Variants in TRIP4 observed in about 807,000 individuals in gnomAD.
TRIP4 encodes the protein activating signal cointegrator 1.
Under a neutral mutation model 81.8 loss-of-function variants are expected in TRIP4, and 54 were observed. The observed-to-expected ratio is 0.66, with a 90% confidence interval of 0.53 to 0.83. The LOEUF (loss-of-function observed/expected upper bound fraction) is 0.83, where lower values mean the gene tolerates loss of function less well. Among genes scored for constraint, TRIP4 ranks in the 40% least tolerant of loss-of-function variants. The probability of loss-of-function intolerance (pLI) is 0.00; values close to 1 mark genes in which losing one functional copy is unlikely to be tolerated. For missense variants in TRIP4, 662 were observed against 683.6 expected, an observed-to-expected ratio of 0.97 and a Z score of 0.35; for synonymous variants, 270 against 242.8, an observed-to-expected ratio of 1.11 and a Z score of -1.04.
At chr15:64,451,928 CAGG>C (rs911144373) in intron 12 of TRIP4, among the ~76,000 whole-genome samples, 1 of 145,788 alleles carries the variant, frequency 6.9e-6, no homozygotes, top group African/African-American at 2.6e-5. Context: ...GCAGGGATTA[CAGG>C]AGTGAGCCAC....
At chr15:64,448,237 A>G (rs1405645840) in intron 12 of TRIP4, among the ~76,000 whole-genome samples, 1 of 152,110 alleles carries the variant, frequency 6.6e-6, no homozygotes, top group Non-Finnish European at 1.5e-5. Flanking sequence ...GTCCTGTGAG[A>G]AAATGTTCTG....
At chr15:64,418,418 A>G in intron 8 of TRIP4, 123 bp from the exon 9 acceptor site, 1 of 1,125,172 alleles carries the variant, frequency 8.9e-7, no homozygotes, top group Non-Finnish European at 1.2e-6. Flanking sequence ...GGCCTGGGAT[A>G]TATTTTTCTA....
At position 64,391,970 on chromosome 15, in the gene TRIP4, C is replaced by CAA. The variant is rs35193532; in HGVS notation, c.102-1953_102-1952dup. Among the ~76,000 whole-genome samples, 131 of 23,102 alleles carry CAA rather than the reference C, an allele frequency of 5.7e-3. 1 individual carries two copies. Among genetic ancestry groups the CAA allele is most frequent in the Non-Finnish European group, 6.8e-3 (87 of 12,888 alleles). The allele number at this position is 23,102 out of a possible 152,430, so 15.2% of individuals were successfully genotyped here. ...TGGGTGACAGAGTGAGACTCTGTCT[C>CAA]AAAAAAAAAAAAAAAAAAAAAAAAG... On this transcript the variant is annotated intron_variant, in intron 1 of 12. Transcript: ENST00000261884.
intron 11 of TRIP4, among the ~76,000 whole-genome samples, chr15:64,444,050 C>A (rs149010564): frequency 1.1e-4 from 16 of 152,184 alleles, no homozygotes; most frequent in East Asian, 1.9e-4. Context: ...TTTGAATTTC[C>A]TTACTTTTTA....
intron 11 of TRIP4, among the ~76,000 whole-genome samples, chr15:64,428,096 C>A (rs1892189348): frequency 6.6e-6 from 1 of 152,218 alleles, no homozygotes; most frequent in African/African-American, 2.4e-5. Flanking sequence ...TATGTATTTG[C>A]GTTCTAAAAG....
intron 12 of TRIP4, among the ~76,000 whole-genome samples, chr15:64,454,464 C>T (rs1481063730): frequency 1.3e-5 from 2 of 152,088 alleles, no homozygotes; most frequent in Non-Finnish European, 2.9e-5. Context: ...GACCTTTAAC[C>T]TTCTTAGCTG....
chr15:64,411,250 T>C (rs558279329), intron 7 of TRIP4, among the ~76,000 whole-genome samples: 1 of 152,240 alleles, frequency 6.6e-6, no homozygotes, highest in East Asian at 1.9e-4. Context: ...CATTATAAAT[T>C]TGTCCAAACC....
rs1188695167 is a variant in TRIP4 at position 64,401,840 on chromosome 15, A to G, written c.697+1019A>G. Among the ~76,000 whole-genome samples, 4 of 152,300 alleles carry G rather than the reference A, an allele frequency of 2.6e-5. No individual in the cohort carries two copies. In the South Asian group the frequency reaches 6.2e-4, roughly 24 times the overall value. On this transcript the variant is annotated intron_variant, in intron 5 of 12. Transcript: ENST00000261884. ...GTAGTAACTGCCACAAGCACGATCCACCAATGGATACTGAAATTATTGGTT... is the reference window on the plus strand; with the variant it reads ...GTAGTAACTGCCACAAGCACGATCCGCCAATGGATACTGAAATTATTGGTT...
intron 11 of TRIP4, among the ~76,000 whole-genome samples, chr15:64,434,843 C>A (rs879429489): frequency 1.3e-5 from 2 of 152,128 alleles, no homozygotes; most frequent in Non-Finnish European, 2.9e-5. Flanking sequence ...GTGTCGCTAT[C>A]TACTTGGAAT....
intron 3 of TRIP4, among the ~76,000 whole-genome samples, chr15:64,395,739 C>CTT (rs5813297): frequency 2.2e-5 from 3 of 136,682 alleles, no homozygotes; most frequent in Non-Finnish European, 1.6e-5. Context: ...GACATCTTTG[C>CTT]TTTTTTTTTT....
intron 12 of TRIP4, chr15:64,445,317 T>C: frequency 3.1e-6 from 1 of 321,790 alleles, no homozygotes; most frequent in Non-Finnish European, 5.7e-6. Flanking sequence ...ATCTTACTTG[T>C]CTAGATTTTT....
intron 11 of TRIP4, among the ~76,000 whole-genome samples, chr15:64,441,750 G>T (rs1219792516): frequency 6.6e-6 from 1 of 151,774 alleles, no homozygotes; most frequent in East Asian, 2.0e-4. Context: ...TCCAGCCTGG[G>T]CAACAGAGCG....
intron 5 of TRIP4, among the ~76,000 whole-genome samples, chr15:64,405,526 A>G (rs1338770004): frequency 6.6e-6 from 1 of 152,216 alleles, no homozygotes; most frequent in East Asian, 1.9e-4. Flanking sequence ...CTTTATCTGT[A>G]AAATAAAGAT....
At chr15:64,420,811 C>T (rs1156628115) in intron 9 of TRIP4, among the ~76,000 whole-genome samples, 3 of 151,772 alleles carry the variant, frequency 2.0e-5, no homozygotes, top group Admixed American at 6.6e-5. Context: ...GGATTATAGG[C>T]GTGAGCCACC....
intron 3 of TRIP4, among the ~76,000 whole-genome samples, 175 bp from the exon 4 acceptor site, chr15:64,397,431 A>C (rs1900326065): frequency 6.6e-6 from 1 of 152,244 alleles, no homozygotes; most frequent in Admixed American, 6.5e-5. Flanking sequence ...TCTAGAGTAT[A>C]ACCTTTCCTC....
chr15:64,390,674 T>C (rs1382315011), intron 1 of TRIP4, among the ~76,000 whole-genome samples: 1 of 151,824 alleles, frequency 6.6e-6, no homozygotes, highest in East Asian at 1.9e-4. Context: ...GTGGACCACC[T>C]GAGGTCAGGA....
intron 1 of TRIP4, among the ~76,000 whole-genome samples, chr15:64,389,918 T>A (rs1310068083): frequency 6.6e-6 from 1 of 150,496 alleles, no homozygotes; most frequent in Non-Finnish European, 1.5e-5. Flanking sequence ...ACCAGGGTGG[T>A]CTCGAACTCC....
chr15:64,393,826 C>A, intron 1 of TRIP4, 120 bp from the exon 2 acceptor site: 2 of 957,834 alleles, frequency 2.1e-6, no homozygotes, highest in Non-Finnish European at 2.9e-6. Flanking sequence ...TAGTACTTGG[C>A]TCAAAGTAAA....
At chr15:64,391,717 C>T (rs1393854454) in intron 1 of TRIP4, among the ~76,000 whole-genome samples, 7 of 150,624 alleles carry the variant, frequency 4.6e-5, no homozygotes, top group African/African-American at 4.9e-5. Context: ...AACCTGTAAT[C>T]CCAGCACTTT....
Sources: gnomAD v4.1 joint callset for allele counts (sites outside exome capture counted in the v4.1 genomes callset) on GRCh38, gnomAD v4.1.1 for gene constraint, MANE v1.5 for transcripts, NCBI Gene and HGNC (gene_info 2026-07-23, HGNC 2026-07-21) for gene names.